The following CIITA variants were observed in gnomAD, a reference collection of about 807,000 sequenced individuals.
The protein encoded by CIITA is class II major histocompatibility complex transactivator.
CIITA carries 72 observed loss-of-function variants against 115.1 expected under a neutral mutation model. The observed-to-expected ratio is 0.63, with a 90% CI of 0.52 to 0.76. The LOEUF is 0.76. Among genes scored for constraint, CIITA ranks in the 30% least tolerant of loss-of-function variants. CIITA has a pLI of 0.00. For missense variants in CIITA, 1,617 were observed against 1,463.8 expected, an observed-to-expected ratio of 1.10 and a Z score of -1.71; for synonymous variants, 763 against 635.6, an observed-to-expected ratio of 1.20 and a Z score of -3.02.
In CIITA at chr16:10,920,148, C is replaced by G. The variant is rs1177743601; in HGVS notation, c.3149+1622C>G. Among the ~76,000 whole-genome samples, 1 of 152,140 alleles carries G rather than the reference C, an allele frequency of 6.6e-6. No individual in the cohort carries two copies. The highest frequency in any genetic ancestry group is 1.9e-4 in the East Asian group (1 of 5,190). On this transcript the variant is annotated intron_variant, in intron 16 of 19. Coordinates refer to ENST00000324288, the MANE Select transcript of CIITA (RefSeq NM_000246.4). This position sits in a 1 kb window ranked among gnomAD's most constrained non-coding sequence, Gnocchi z 4.5. ...GGGGAATCCAGATCACACAGGGAGGCCCTTGTGGGTCACAAGAGGTATTTG... is the reference window on the plus strand; with the variant it reads ...GGGGAATCCAGATCACACAGGGAGGGCCTTGTGGGTCACAAGAGGTATTTG...
rs751181416 is a variant in CIITA at position 10,895,781 on chromosome 16, G to C, written c.295+17G>C. 1 of 1,612,636 alleles carries C rather than the reference G, an allele frequency of 6.2e-7. No homozygotes were observed. The highest frequency in any genetic ancestry group is 1.3e-5 in the African/African-American group (1 of 74,846). On this transcript the variant is annotated intron_variant, in intron 3 of 19. Coordinates refer to ENST00000324288, the MANE Select transcript of CIITA (RefSeq NM_000246.4). ...CCAATATCGGTGAGGAAGCACCTGA[G>C]CCCAGAAAAGGACAATCAAGGGCAA...
intron 12 of CIITA, among the ~76,000 whole-genome samples, chr16:10,909,484 T>A (rs184940929): frequency 7.9e-5 from 12 of 152,356 alleles, no homozygotes; most frequent in African/African-American, 2.9e-4. Context: ...GTGCACCTAG[T>A]AACAGAAGTG....
chr16:10,891,940 G>T (rs2037630073), intron 1 of CIITA, among the ~76,000 whole-genome samples: 1 of 152,220 alleles, frequency 6.6e-6, no homozygotes, highest in Admixed American at 6.5e-5. Context: ...CAGTGCCCCA[G>T]CTTGGACTGG....
chr16:10,878,630 A>C (rs1347454536), intron 1 of CIITA, among the ~76,000 whole-genome samples: 5 of 152,162 alleles, frequency 3.3e-5, no homozygotes, highest in African/African-American at 1.2e-4. Flanking sequence ...ACTGAGTTGG[A>C]GAGAAACAGA....
chr16:10,901,428 G>A lies in CIITA; in HGVS notation c.437-86G>A. 6.9e-7 allele frequency: 1 copy of A among 1,442,580 alleles called. No individual in the cohort carries two copies. Among genetic ancestry groups the A allele is most frequent in the East Asian group, 2.3e-5 (1 of 43,808 alleles). The allele number at this position is 1,442,580 out of a possible 1,614,324, so 89.4% of individuals were successfully genotyped here. On this transcript the variant is annotated intron_variant, in intron 5 of 19. Coordinates refer to ENST00000324288, the MANE Select transcript of CIITA (RefSeq NM_000246.4). The surrounding 1 kb of genome is among the most constrained non-coding windows in gnomAD (Gnocchi z 6.8). ...GACCACTACCCAGCCTTGAAGTTAA[G>A]GCCGTATAGCCTGCTAGAGTCCTGA...
chr16:10,934,756 C>A lies in CIITA; in HGVS notation c.*10901C>A, dbSNP rs1176251200. 6.6e-6 allele frequency: 1 copy of A among 152,184 alleles called. No individual in the cohort carries two copies. 9.4% of individuals were successfully genotyped at this position (152,184 alleles called of 1,614,324 possible). On this transcript the variant is annotated 3_prime_UTR_variant, in exon 20 of 20. Coordinates refer to ENST00000324288, the MANE Select transcript of CIITA (RefSeq NM_000246.4). The surrounding 1 kb of genome is among the most constrained non-coding windows in gnomAD (Gnocchi z 4.2). ...GCCAAGCCCCTTGCCAGGAGGGACT[C>A]CCAGAAATGAAGCCTTACCCTTGAG...
intron 1 of CIITA, among the ~76,000 whole-genome samples, chr16:10,892,428 A>AC (rs1383609634): frequency 6.6e-6 from 1 of 152,176 alleles, no homozygotes; most frequent in Non-Finnish European, 1.5e-5. Flanking sequence ...TGGGCCCAGA[A>AC]CAGGGCAGTA....
downstream of CIITA, chr16:10,939,081 G>A (rs1023500066): frequency 6.6e-6 from 1 of 152,182 alleles, no homozygotes; most frequent in South Asian, 2.1e-4. The surrounding 1 kb of genome is among the most constrained non-coding windows in gnomAD (Gnocchi z 4.9). Flanking sequence ...AAAGTCTGTT[G>A]AATGAGTGAG....
chr16:10,895,190 C>A, intron 1 of CIITA, 92 bp from the exon 2 acceptor site: 36 of 1,486,672 alleles, frequency 2.4e-5, no homozygotes, highest in Non-Finnish European at 3.3e-5. Context: ...CTCTCATCCC[C>A]AGCCCTCACC....
At chr16:10,873,972 G>T (rs1332960991), upstream of CIITA, among the ~76,000 whole-genome samples, 1 of 151,996 alleles carries the variant, frequency 6.6e-6, no homozygotes, top group East Asian at 1.9e-4. Context: ...GTGTTTTGTT[G>T]TGTTTTGTTT....
downstream of CIITA, chr16:10,937,701 C>T (rs2041048349): frequency 2.6e-5 from 4 of 152,226 alleles, no homozygotes; most frequent in Admixed American, 2.6e-4. The surrounding 1 kb of genome is among the most constrained non-coding windows in gnomAD (Gnocchi z 4.2). Context: ...GCCTCTGCAC[C>T]AGAACTGCTG....
In CIITA at chr16:10,931,946, T is replaced by G. The variant is rs1223115647; in HGVS notation, c.*8091T>G. 3 of 152,172 alleles carry G rather than the reference T, an allele frequency of 2.0e-5. No individual in the cohort carries two copies. Among genetic ancestry groups the G allele is most frequent in the Non-Finnish European group, 4.4e-5 (3 of 68,036 alleles). 9.4% of individuals were successfully genotyped at this position (152,172 alleles called of 1,614,324 possible). On this transcript the variant is annotated 3_prime_UTR_variant, in exon 20 of 20. Transcript: ENST00000324288. ...CATTTTACTTTAAAAGGAGCCAATTTAAAGAAAACTGTTAATAGTTCAGGT... is the reference window on the plus strand; with the variant it reads ...CATTTTACTTTAAAAGGAGCCAATTGAAAGAAAACTGTTAATAGTTCAGGT...
rs551785195 is a variant in CIITA, at chr16:10,913,024, C to G, written c.2889-2546C>G. On this transcript the variant is annotated intron_variant, in intron 13 of 19. Transcript: ENST00000324288. ...CAGAGTCCTTCCCCAGTTCAGTCCC[C>G]ACTCACCTGTTCACCCTTATCTCCT... Among the ~76,000 whole-genome samples the G allele has an allele frequency of 3.9e-5, 6 of 152,358 alleles. No homozygotes were observed. The East Asian group carries it at 1.2e-3, about 29-fold the overall frequency.
intron 8 of CIITA, among the ~76,000 whole-genome samples, chr16:10,903,452 A>T (rs1256652858): frequency 6.6e-6 from 1 of 152,172 alleles, no homozygotes; most frequent in East Asian, 1.9e-4. Flanking sequence ...ATGAGCACTG[A>T]CCACACAGCA....
chr16:10,906,923 C>G lies in CIITA; in HGVS notation c.1431C>G (p.Leu477=), dbSNP rs756459269. The part of the protein sequence containing the change: ...DLLFSLGPQP[L]VAADEVFSHI... Reference sequence around the variant, plus strand: ...TCTTCTCCCTGGGCCCACAGCCACTCGTGGCGGCCGATGAGGTTTTCAGCC... The same window carrying G: ...TCTTCTCCCTGGGCCCACAGCCACTGGTGGCGGCCGATGAGGTTTTCAGCC... Residue 477 remains leucine, a synonymous_variant, in exon 11 of 20, where the codon CTC becomes CTG. Coordinates refer to ENST00000324288, the MANE Select transcript of CIITA (RefSeq NM_000246.4). 1.9e-5 allele frequency: 30 copies of G among 1,613,256 alleles called. No individual in the cohort carries two copies. The highest frequency in any genetic ancestry group is 5.9e-6 in the Non-Finnish European group (7 of 1,180,048).
chr16:10,923,550 A>G lies in CIITA; in HGVS notation c.*22+225A>G, dbSNP rs1294137604. On this transcript the variant is annotated intron_variant, in intron 19 of 19. Coordinates refer to ENST00000324288, the MANE Select transcript of CIITA (RefSeq NM_000246.4). This position sits in a 1 kb window ranked among gnomAD's most constrained non-coding sequence, Gnocchi z 5.2. ...TGTGGTCAGGCTTAGAGATCAGGGG[A>G]CAGGAAAGTTGGCCATCCACATCCC... 6.6e-6 allele frequency among the ~76,000 whole-genome samples: 1 copy of G among 152,016 alleles called. No individual in the cohort carries two copies. Among genetic ancestry groups the G allele is most frequent in the Non-Finnish European group, 1.5e-5 (1 of 67,982 alleles).
rs190265997 is a variant in CIITA at position 10,899,138 on chromosome 16, G to C, written c.436+136G>C. On this transcript the variant is annotated intron_variant, in intron 5 of 19. Coordinates refer to ENST00000324288, the MANE Select transcript of CIITA (RefSeq NM_000246.4). ...TTGGGAGGCCCTTTAAAAGCCAACAGGAGCCTTAAAATGTACATCTGATTA... is the reference window on the plus strand; with the variant it reads ...TTGGGAGGCCCTTTAAAAGCCAACACGAGCCTTAAAATGTACATCTGATTA... 1.3e-3 allele frequency: 1,027 copies of C among 791,038 alleles called. 15 individuals are homozygous for C. The African/African-American group carries it at 0.016, about 12-fold the overall frequency. The allele number at this position is 791,038 out of a possible 1,614,324, so 49.0% of individuals were successfully genotyped here.
intron 1 of CIITA, chr16:10,866,324 G>A (rs529384624): frequency 2.8e-5 from 16 of 569,836 alleles, no homozygotes; most frequent in South Asian, 2.2e-4. Flanking sequence ...ACTCAGGTGA[G>A]AATGCTGCTC....
chr16:10,871,364 GCA>G (rs1213791220), intron 1 of CIITA, among the ~76,000 whole-genome samples: 5 of 152,190 alleles, frequency 3.3e-5, no homozygotes, highest in African/African-American at 1.2e-4. Context: ...GGAATGCGAG[GCA>G]CAAAGGGGCC....
Sources: gnomAD v4.1 joint callset for allele counts (sites outside exome capture counted in the v4.1 genomes callset) on GRCh38, gnomAD v4.1.1 for gene constraint, Gnocchi (gnomAD v3.1) non-coding constraint, MANE v1.5 for transcripts, NCBI Gene and HGNC (gene_info 2026-07-23, HGNC 2026-07-21) for gene names.